Variants in TMEM17 observed in about 807,000 individuals in gnomAD.
The protein encoded by TMEM17 is transmembrane protein 17.
In TMEM17, 15 loss-of-function variants were observed where a neutral mutation model predicts 19.1. The ratio of observed to expected loss-of-function variants is 0.78; its 90% CI spans 0.52 to 1.21. The LOEUF is 1.21. Among genes scored for constraint, TMEM17 ranks in the 50% most tolerant of loss-of-function variants. The pLI is 0.00. For synonymous variants in TMEM17, 103 were observed against 86.9 expected, an observed-to-expected ratio of 1.19 and a Z score of -1.03; for missense variants, 245 against 242.3, an observed-to-expected ratio of 1.01 and a Z score of -0.07.
chr2:62,485,830 T>C, the TMEM17 span, among the ~76,000 whole-genome samples: 12 of 152,228 alleles, frequency 7.9e-5, no homozygotes, highest in Non-Finnish European at 1.5e-4. Flanking sequence ...CCCCAATCAG[T>C]GAACGGTGCT....
the TMEM17 span, among the ~76,000 whole-genome samples, chr2:62,483,433 C>A: frequency 6.6e-6 from 1 of 152,172 alleles, no homozygotes; most frequent in Non-Finnish European, 1.5e-5. Flanking sequence ...GGGATTCATG[C>A]AGCAGTCCTT....
chr2:62,485,734 T>A, the TMEM17 span, among the ~76,000 whole-genome samples: 2 of 152,182 alleles, frequency 1.3e-5, no homozygotes, highest in African/African-American at 4.8e-5. Flanking sequence ...GAAAGTTGAT[T>A]TTGGAGACAC....
At chr2:62,455,186 T>G in the TMEM17 span, among the ~76,000 whole-genome samples, 1 of 152,366 alleles carries the variant, frequency 6.6e-6, no homozygotes, top group South Asian at 2.1e-4. Flanking sequence ...TCTCTATGGA[T>G]TTGCCTCTTG....
At chr2:62,494,638 C>A in the TMEM17 span, among the ~76,000 whole-genome samples, 1 of 152,020 alleles carries the variant, frequency 6.6e-6, no homozygotes, top group African/African-American at 2.4e-5. Context: ...TTTCTGCCAG[C>A]CAAATATAGT....
rs376023606 is a variant in TMEM17 at position 62,506,156 on chromosome 2, C to A, written c.-27G>T. On this transcript the variant is annotated 5_prime_UTR_variant, in exon 1 of 4. The change creates a new upstream start codon in the 5' untranslated region. Transcript: ENST00000335390. ...CCTGGGCCTCAGTATCCCTCACCCCCTCAGACACGGGCTAGTCTGCGGGCG... is the reference window on the plus strand; with the variant it reads ...CCTGGGCCTCAGTATCCCTCACCCCATCAGACACGGGCTAGTCTGCGGGCG... The A allele has an allele frequency of 5.7e-6, 9 of 1,580,096 alleles. No individual in the cohort carries two copies. The highest frequency in any genetic ancestry group is 7.7e-6 in the Non-Finnish European group (9 of 1,163,104).
chr2:62,489,161 T>C, the TMEM17 span, among the ~76,000 whole-genome samples: 15 of 152,336 alleles, frequency 9.8e-5, no homozygotes, highest in South Asian at 3.1e-3. Flanking sequence ...AGTGATGACT[T>C]TGACTCTTCA....
the TMEM17 span, among the ~76,000 whole-genome samples, chr2:62,459,771 G>A: frequency 3.3e-5 from 5 of 152,142 alleles, no homozygotes; most frequent in Admixed American, 6.5e-5. Context: ...TATTTATTCT[G>A]TAAAAATAGA....
At chr2:62,468,332 T>A in the TMEM17 span, among the ~76,000 whole-genome samples, 14 of 152,110 alleles carry the variant, frequency 9.2e-5, no homozygotes, top group African/African-American at 2.9e-4. Flanking sequence ...ATCCCTGGAC[T>A]AGCCTACACC....
chr2:62,498,702 C>T (rs770087177), downstream of TMEM17, among the ~76,000 whole-genome samples: 5 of 142,820 alleles, frequency 3.5e-5, no homozygotes, highest in Non-Finnish European at 7.5e-5. Flanking sequence ...GGCGACAGAG[C>T]GAGACTCCGT....
At chr2:62,492,216 C>G in the TMEM17 span, among the ~76,000 whole-genome samples, 1 of 152,182 alleles carries the variant, frequency 6.6e-6, no homozygotes, top group Admixed American at 6.5e-5. Context: ...TGGAACCAGA[C>G]AAGGTTAGGT....
chr2:62,464,756 G>A, the TMEM17 span, among the ~76,000 whole-genome samples: 5 of 152,162 alleles, frequency 3.3e-5, no homozygotes, highest in Admixed American at 1.3e-4. Flanking sequence ...TAATTTGGTG[G>A]ACAGGGGTCA....
At chr2:62,469,919 C>T in the TMEM17 span, among the ~76,000 whole-genome samples, 8 of 152,190 alleles carry the variant, frequency 5.3e-5, no homozygotes, top group South Asian at 4.1e-4. Flanking sequence ...CTTTCCTTTC[C>T]GCAGTCCCTG....
chr2:62,491,787 TTACTC>T, the TMEM17 span, among the ~76,000 whole-genome samples: 1,005 of 152,242 alleles, frequency 6.6e-3, 11 homozygotes, highest in African/African-American at 0.023. Context: ...ATCTTTTAAA[TTACTC>T]TACCAAAGGG....
At chr2:62,472,179 C>T in the TMEM17 span, among the ~76,000 whole-genome samples, 8 of 152,214 alleles carry the variant, frequency 5.3e-5, no homozygotes, top group African/African-American at 1.9e-4. Flanking sequence ...CTCATCCAGT[C>T]TTTTAAAGGA....
chr2:62,455,369 A>C, the TMEM17 span, among the ~76,000 whole-genome samples: 1 of 152,148 alleles, frequency 6.6e-6, no homozygotes, highest in South Asian at 2.1e-4. Flanking sequence ...GTGAACATTT[A>C]TTTCTAGGTT....
the TMEM17 span, among the ~76,000 whole-genome samples, chr2:62,494,349 G>A: frequency 6.6e-6 from 1 of 152,022 alleles, no homozygotes; most frequent in East Asian, 1.9e-4. Flanking sequence ...TTTTAGGATA[G>A]CACAAATTTT....
the TMEM17 span, among the ~76,000 whole-genome samples, chr2:62,465,533 G>A: frequency 1.3e-5 from 2 of 151,976 alleles, no homozygotes; most frequent in East Asian, 3.9e-4. Context: ...AGCACTTTGG[G>A]AGGCTGAGAC....
the TMEM17 span, among the ~76,000 whole-genome samples, chr2:62,459,645 T>G: frequency 6.6e-6 from 1 of 152,378 alleles, no homozygotes; most frequent in African/African-American, 2.4e-5. Flanking sequence ...TTAATTTTCA[T>G]GTAGTCTGCA....
At chr2:62,498,710 C>T (rs773594262), downstream of TMEM17, among the ~76,000 whole-genome samples, 65 of 141,638 alleles carry the variant, frequency 4.6e-4, 3 homozygotes, top group Middle Eastern at 0.014. Context: ...AGCGAGACTC[C>T]GTCTCAAAAA....
Sources: allele counts gnomAD v4.1 joint callset (sites outside exome capture counted in the v4.1 genomes callset), GRCh38; gene constraint gnomAD v4.1.1; transcripts MANE v1.5; gene names NCBI Gene and HGNC (gene_info 2026-07-23, HGNC 2026-07-21).